The following IL1RAPL1 variants were observed in gnomAD, a reference collection of about 807,000 sequenced individuals.
IL1RAPL1 encodes the protein interleukin-1 receptor accessory protein-like 1.
A neutral mutation model predicts 48.4 loss-of-function variants in IL1RAPL1; 3 were observed. That is an observed-to-expected ratio of 0.06 (90% CI 0.03 to 0.16). The LOEUF is 0.16. IL1RAPL1 is among the 10% of genes least tolerant of loss of function. IL1RAPL1 has a pLI of 1.00. For synonymous variants in IL1RAPL1, 185 were observed against 187.7 expected (o/e 0.99, Z 0.12); for missense variants, 349 against 530.6 (o/e 0.66, Z 3.36).
At chrX:28,604,461 G>T in intron 1 of IL1RAPL1, among the ~76,000 whole-genome samples, 1 of 111,432 alleles carries the variant, frequency 9.0e-6, no homozygotes, top group Admixed American at 9.6e-5. Flanking sequence ...AGGTGTGGTG[G>T]CTCATACCTG....
chrX:29,217,987 T>G (rs1411129079), intron 2 of IL1RAPL1, among the ~76,000 whole-genome samples: 2 of 111,902 alleles, frequency 1.8e-5, no homozygotes, highest in Admixed American at 9.6e-5. Flanking sequence ...TTGATATTAC[T>G]TACTATTCAT....
intron 1 of IL1RAPL1, among the ~76,000 whole-genome samples, chrX:28,621,996 C>G (rs763179056): frequency 5.4e-4 from 60 of 111,263 alleles, no homozygotes; most frequent in African/African-American, 1.9e-3. Context: ...TCCCTTACCC[C>G]CTTCTTGCTT....
intron 5 of IL1RAPL1, among the ~76,000 whole-genome samples, chrX:29,440,924 A>G (rs186135135): frequency 8.9e-5 from 10 of 112,050 alleles, no homozygotes; most frequent in Admixed American, 7.5e-4. Context: ...AACAATATGT[A>G]AAGAGCTCAG....
In IL1RAPL1 at chrX:29,613,761, C is replaced by CTT. The variant is rs1292640918; in HGVS notation, c.704-54650_704-54649dup. ...TGTGTGTGTGTGTGTGTGTGTGTTT[C>CTT]TTTTTTTTTTTTTTTTTTTTGAGAC... On this transcript the variant is annotated intron_variant, in intron 5 of 10. Transcript: ENST00000378993. Among the ~76,000 whole-genome samples, 35 of 44,262 alleles carry CTT rather than the reference C, an allele frequency of 7.9e-4. 1 individual carries two copies. The highest frequency in any genetic ancestry group is 2.1e-3 in the African/African-American group (23 of 11,012). 38.4% of individuals were successfully genotyped at this position (44,262 alleles called of 115,157 possible).
At chrX:29,238,328 G>A (rs745690326) in intron 2 of IL1RAPL1, among the ~76,000 whole-genome samples, 3 of 112,155 alleles carry the variant, frequency 2.7e-5, no homozygotes, top group Non-Finnish European at 5.6e-5. Context: ...TAAGAAATGA[G>A]AGTGGACGAT....
intron 2 of IL1RAPL1, among the ~76,000 whole-genome samples, chrX:28,895,833 C>G (rs985704228): frequency 9.0e-6 from 1 of 111,713 alleles, no homozygotes; most frequent in Non-Finnish European, 1.9e-5. Flanking sequence ...GCTTCCGAGG[C>G]AATCAGGCAA....
chrX:29,024,755 T>G (rs145672088), intron 2 of IL1RAPL1, among the ~76,000 whole-genome samples: 1,956 of 111,771 alleles, frequency 0.018, 20 homozygotes, highest in Non-Finnish European at 0.028. Flanking sequence ...ATCCAAAGCT[T>G]TCTGGCTCAC....
chrX:28,874,311 G>A (rs1272794377), intron 2 of IL1RAPL1, among the ~76,000 whole-genome samples: 1 of 112,082 alleles, frequency 8.9e-6, no homozygotes, highest in Non-Finnish European at 1.9e-5. Context: ...ATAGCATTAA[G>A]CCTGAAGTAT....
chrX:29,381,917 C>A (rs1193156632), intron 3 of IL1RAPL1, among the ~76,000 whole-genome samples: 1 of 102,113 alleles, frequency 9.8e-6, no homozygotes, highest in Non-Finnish European at 1.9e-5. Flanking sequence ...TAGATAATGA[C>A]ATCAGTAACC....
chrX:29,522,424 G>T (rs1351904843), intron 5 of IL1RAPL1, among the ~76,000 whole-genome samples: 1 of 111,516 alleles, frequency 9.0e-6, no homozygotes, highest in Non-Finnish European at 1.9e-5. Flanking sequence ...GTCTCCCAAA[G>T]TGCTGAGATT....
At chrX:29,217,340 A>G (rs1930889251) in intron 2 of IL1RAPL1, among the ~76,000 whole-genome samples, 1 of 112,411 alleles carries the variant, frequency 8.9e-6, no homozygotes, top group African/African-American at 3.2e-5. Flanking sequence ...TTCTAATTCA[A>G]AAAGCCATTG....
chrX:29,932,351 T>C (rs757265034), intron 8 of IL1RAPL1, among the ~76,000 whole-genome samples: 1 of 112,591 alleles, frequency 8.9e-6, no homozygotes, highest in Non-Finnish European at 1.9e-5. Context: ...CAAGGGAGAA[T>C]CATTGTCCTA....
At chrX:29,945,547 G>A (rs1377536104) in intron 9 of IL1RAPL1, among the ~76,000 whole-genome samples, 1 of 112,393 alleles carries the variant, frequency 8.9e-6, no homozygotes, top group Non-Finnish European at 1.9e-5. Context: ...ATAGCAATAT[G>A]ATAATAATAG....
At position 29,031,410 on chromosome X, in the gene IL1RAPL1, T is replaced by C. The variant is rs748111069; in HGVS notation, c.82+241985T>C. Among the ~76,000 whole-genome samples, 3 of 111,868 alleles carry C rather than the reference T, an allele frequency of 2.7e-5. No homozygotes were observed. The East Asian group carries it at 8.4e-4, about 31-fold the overall frequency. On this transcript the variant is annotated intron_variant, in intron 2 of 10. Transcript: ENST00000378993. ...TTTCTTTTGTGGGTATTCTGTTTACTTAATGACATAAAGAATGAGTGAGGG... is the reference window on the plus strand; with the variant it reads ...TTTCTTTTGTGGGTATTCTGTTTACCTAATGACATAAAGAATGAGTGAGGG...
intron 2 of IL1RAPL1, among the ~76,000 whole-genome samples, chrX:29,146,158 TA>T (rs1929346310): frequency 5.4e-5 from 6 of 112,061 alleles, no homozygotes; most frequent in Non-Finnish European, 1.1e-4. Context: ...TGACCTCATC[TA>T]CCGCTACCTT....
intron 5 of IL1RAPL1, among the ~76,000 whole-genome samples, chrX:29,565,163 A>G (rs909644329): frequency 3.6e-4 from 40 of 112,333 alleles, no homozygotes; most frequent in African/African-American, 1.2e-3. Context: ...TATCAAAATA[A>G]TTGTATTTAT....
At chrX:28,614,561 T>G (rs746359505) in intron 1 of IL1RAPL1, among the ~76,000 whole-genome samples, 27 of 111,533 alleles carry the variant, frequency 2.4e-4, no homozygotes, top group Admixed American at 3.8e-4. Context: ...TCATGTTCAG[T>G]GCAAGTGTGT....
intron 2 of IL1RAPL1, among the ~76,000 whole-genome samples, chrX:29,275,830 G>A (rs1475563658): frequency 8.9e-6 from 1 of 111,963 alleles, no homozygotes; most frequent in East Asian, 2.8e-4. Context: ...TCTATAACAT[G>A]TTGTCTCACA....
chrX:29,117,457 AAC>A (rs1311476760), intron 2 of IL1RAPL1, among the ~76,000 whole-genome samples: 1 of 112,443 alleles, frequency 8.9e-6, no homozygotes, highest in Non-Finnish European at 1.9e-5. Flanking sequence ...ATCTGTAAGA[AAC>A]ACAACTTCGT....
Sources: allele counts gnomAD v4.1 joint callset (sites outside exome capture counted in the v4.1 genomes callset), GRCh38; gene constraint gnomAD v4.1.1; transcripts MANE v1.5; gene names NCBI Gene and HGNC (gene_info 2026-07-23, HGNC 2026-07-21).